Variants in EPDR1 observed in about 807,000 individuals in gnomAD.
EPDR1 encodes the protein mammalian ependymin-related protein 1.
In EPDR1, 27 loss-of-function variants were observed where a neutral mutation model predicts 23.7. The observed-to-expected ratio is 1.14, with a 90% confidence interval of 0.84 to 1.57. The LOEUF is 1.57. Ranked by LOEUF, EPDR1 falls within the 40% of genes most tolerant of loss-of-function variation. The probability of loss-of-function intolerance (pLI) is 0.00; values close to 1 mark genes in which losing one functional copy is unlikely to be tolerated. For synonymous variants in EPDR1, 137 were observed against 118.2 expected, an observed-to-expected ratio of 1.16 and a Z score of -1.03; for missense variants, 349 against 290.4, an observed-to-expected ratio of 1.20 and a Z score of -1.47.
chr7:37,948,527 TC>T (rs2132021147), intron 1 of EPDR1, among the ~76,000 whole-genome samples: 1 of 152,106 alleles, frequency 6.6e-6, no homozygotes, highest in South Asian at 2.1e-4. Context: ...AAATTTTTTT[TC>T]TAGAGACAGG....
In EPDR1 at chr7:37,950,378, C is replaced by A. The variant is rs771549927; in HGVS notation, c.657C>A (p.Ser219Arg). The change falls in exon 3 of 3, where the codon AGC (serine) becomes AGA (arginine). Residue 219 changes from serine (S) to arginine (R), a missense_variant. Ser to Arg is a moderately radical substitution (Grantham distance 110). Coordinates refer to ENST00000199448, the MANE Select transcript of EPDR1 (RefSeq NM_017549.5). ...AGATGGCCCAACTGGAGAAGATGAG[C>A]GAAGACTGCTCCTGGTGAGCCTGTG... ...TCQMAQLEKM[S>R]EDCSW is the part of the protein sequence containing the mutation. The A allele has an allele frequency of 1.9e-6, 3 of 1,612,774 alleles. No homozygotes were observed. The highest frequency in any genetic ancestry group is 2.5e-6 in the Non-Finnish European group (3 of 1,179,360).
At chr7:37,933,651 G>A (rs1785988099) in intron 1 of EPDR1, among the ~76,000 whole-genome samples, 1 of 152,274 alleles carries the variant, frequency 6.6e-6, no homozygotes, top group Non-Finnish European at 1.5e-5. Flanking sequence ...GGCAGTAGCT[G>A]CTCAGGTTCA....
At chr7:37,921,499 A>T in intron 1 of EPDR1, 1 of 1,337,298 alleles carries the variant, frequency 7.5e-7, no homozygotes, top group East Asian at 3.1e-5. Context: ...AGAGTGCCCC[A>T]TGCCCAGGTT....
Position 37,921,140 on chromosome 7 carries a change from C to T in EPDR1, c.201C>T (p.Leu67=). 1 of 1,596,686 alleles carries T rather than the reference C, an allele frequency of 6.3e-7. No individual in the cohort carries two copies. The highest frequency in any genetic ancestry group is 2.2e-5 in the East Asian group (1 of 44,620). ...GCGGGCGCAACAGCCGCGCCCTGCT[C>T]TCCTACGACGGGCTCAACCAGCGCG... ...QSSGRNSRAL[L]SYDGLNQRVR... is the part of the protein sequence containing the mutation. Residue 67 remains leucine, a synonymous_variant, in exon 1 of 3, where the codon CTC becomes CTT. Coordinates refer to ENST00000199448, the MANE Select transcript of EPDR1 (RefSeq NM_017549.5).
At chr7:37,936,248 G>C (rs1786049074) in intron 1 of EPDR1, among the ~76,000 whole-genome samples, 1 of 151,610 alleles carries the variant, frequency 6.6e-6, no homozygotes, top group African/African-American at 2.4e-5. Context: ...ATAATCATGT[G>C]ATTATAGCCT....
At chr7:37,940,354 T>A (rs1786146564) in intron 1 of EPDR1, among the ~76,000 whole-genome samples, 1 of 152,194 alleles carries the variant, frequency 6.6e-6, no homozygotes, top group Non-Finnish European at 1.5e-5. Context: ...CCATTTTCTG[T>A]CATTTTGAGT....
In EPDR1 at chr7:37,921,016, C is replaced by CCCTGTGCGG. The variant is rs759760101; in HGVS notation, c.85_93dup (p.Gly29_Cys31dup). 2.0e-6 allele frequency: 3 copies of CCCTGTGCGG among 1,524,040 alleles called. No homozygotes were observed. In the African/African-American group the frequency reaches 4.1e-5, roughly 21 times the overall value. 94.4% of individuals were successfully genotyped at this position (1,524,040 alleles called of 1,614,324 possible). Reference sequence around the variant, plus strand: ...CTGCTGGGCGGCCTCTGGGCCTGGACCCTGTGCGGCCTGTGCAGCCTGGGG... The same window carrying CCCTGTGCGG: ...CTGCTGGGCGGCCTCTGGGCCTGGACCCTGTGCGGCCTGTGCGGCCTGTGCAGCCTGGGG... On this transcript the variant is annotated inframe_insertion, in exon 1 of 3. Coordinates refer to ENST00000199448, the MANE Select transcript of EPDR1 (RefSeq NM_017549.5).
At chr7:37,943,308 CCT>C (rs1283920077) in intron 1 of EPDR1, among the ~76,000 whole-genome samples, 1 of 152,202 alleles carries the variant, frequency 6.6e-6, no homozygotes, top group Admixed American at 6.5e-5. Context: ...TTTGATCTCG[CCT>C]CCAGGAATCC....
In EPDR1 at chr7:37,948,961, TC is replaced by T; in HGVS notation, c.393del (p.Thr132ProfsTer50). 1.9e-6 allele frequency: 3 copies of T among 1,614,032 alleles called. No homozygotes were observed. Among genetic ancestry groups the T allele is most frequent in the Non-Finnish European group, 2.5e-6 (3 of 1,180,004 alleles). ...GGATCCTCTTGACATTCCTCAAAAC[TC>T]CACCTTTGAAGACCAGTACTCCATC... ...PWDPLDIPQN[S>X]TFEDQYSIGG... On this transcript the variant is annotated frameshift_variant, in exon 2 of 3. Coordinates refer to ENST00000199448, the MANE Select transcript of EPDR1 (RefSeq NM_017549.5). LOFTEE classifies it high-confidence loss of function.
chr7:37,931,318 A>G (rs570883533), intron 1 of EPDR1, among the ~76,000 whole-genome samples: 1 of 152,252 alleles, frequency 6.6e-6, no homozygotes, highest in Non-Finnish European at 1.5e-5. Context: ...GTTTGAGACC[A>G]GCCTGGCCAC....
intron 1 of EPDR1, 151 bp downstream of exon 1, chr7:37,921,359 G>A: frequency 7.1e-7 from 1 of 1,416,188 alleles, no homozygotes. Context: ...GGTCTCTTGG[G>A]GATAGCATGG....
chr7:37,943,699 A>T (rs1484918683), intron 1 of EPDR1, among the ~76,000 whole-genome samples: 1 of 152,254 alleles, frequency 6.6e-6, no homozygotes, highest in African/African-American at 2.4e-5. Context: ...GTCTACTTTT[A>T]AAAAAGCAAA....
chr7:37,929,471 A>G lies in EPDR1; in HGVS notation c.269+8263A>G, dbSNP rs146710158. On this transcript the variant is annotated intron_variant, in intron 1 of 2. Transcript: ENST00000199448. ...CCCAAGCTCCATTTTCTAACTGCTA[A>G]GAGCAGGGCCTGACTAATTTTTATT... is the stretch of plus-strand genomic sequence containing the variant. 1.5e-3 allele frequency among the ~76,000 whole-genome samples: 231 copies of G among 152,358 alleles called. 4 individuals are homozygous for G. The East Asian group carries it at 0.038, about 25-fold the overall frequency.
intron 2 of EPDR1, among the ~76,000 whole-genome samples, chr7:37,949,836 A>G (rs138052889): frequency 1.2e-4 from 18 of 152,382 alleles, no homozygotes; most frequent in African/African-American, 4.3e-4. Flanking sequence ...CCTTGAGGAC[A>G]TAATGTTAAG....
chr7:37,948,744 T>C, intron 1 of EPDR1, 96 bp from the exon 2 acceptor site: 1 of 918,910 alleles, frequency 1.1e-6, no homozygotes, highest in Non-Finnish European at 1.7e-6. Flanking sequence ...TTCTTTCTAT[T>C]TTAAAAGTAA....
chr7:37,948,812 A>G (rs1164088017), intron 1 of EPDR1, 28 bp from the exon 2 acceptor site: 12 of 1,597,054 alleles, frequency 7.5e-6, no homozygotes, highest in Non-Finnish European at 1.0e-5. Flanking sequence ...ATGAAGTCCC[A>G]AACTACTTCT....
intron 1 of EPDR1, among the ~76,000 whole-genome samples, chr7:37,936,664 A>G (rs1786060005): frequency 6.6e-6 from 1 of 152,162 alleles, no homozygotes; most frequent in Non-Finnish European, 1.5e-5. Context: ...TCATATATAC[A>G]AACAATAACC....
chr7:37,920,872 C>G lies in EPDR1; in HGVS notation c.-68C>G, dbSNP rs752656316. On this transcript the variant is annotated 5_prime_UTR_variant, in exon 1 of 3. Coordinates refer to ENST00000199448, the MANE Select transcript of EPDR1 (RefSeq NM_017549.5). ...GCGGAAAGAGCCGGCGGGAGCCACT[C>G]TGATCCCGGACGCCTCAGCGCCCCC... The G allele has an allele frequency of 1.2e-6, 2 of 1,611,478 alleles. No homozygotes were observed. Among genetic ancestry groups the G allele is most frequent in the Non-Finnish European group, 1.7e-6 (2 of 1,179,092 alleles).
rs568672370 is a variant in EPDR1 at position 37,951,748 on chromosome 7, G to A, written c.*1352G>A. The A allele has an allele frequency of 1.3e-5, 2 of 152,290 alleles. No homozygotes were observed. The highest frequency in any genetic ancestry group is 2.1e-4 in the South Asian group (1 of 4,822). The allele number at this position is 152,290 out of a possible 1,614,324, so 9.4% of individuals were successfully genotyped here. The stretch of plus-strand genomic sequence containing the variant: ...CCCATTTATCTTTCTTAGTTACCAG[G>A]AGAAATGTGTGACACCTATATTATA... On this transcript the variant is annotated 3_prime_UTR_variant, in exon 3 of 3. Coordinates refer to ENST00000199448, the MANE Select transcript of EPDR1 (RefSeq NM_017549.5).
Sources: gnomAD v4.1 joint callset for allele counts (sites outside exome capture counted in the v4.1 genomes callset) on GRCh38, gnomAD v4.1.1 for gene constraint, MANE v1.5 for transcripts, NCBI Gene and HGNC (gene_info 2026-07-23, HGNC 2026-07-21) for gene names.